The following ANO10 variants were observed in gnomAD, a reference collection of about 807,000 sequenced individuals.
ANO10 encodes the protein anoctamin 10, also known as anoctamin-10.
Under a neutral mutation model 74.7 loss-of-function variants are expected in ANO10, and 77 were observed. That is an observed-to-expected ratio of 1.03 (90% CI 0.86 to 1.25). The LOEUF (loss-of-function observed/expected upper bound fraction) is 1.25, where lower values mean the gene tolerates loss of function less well. ANO10 is among the 50% of genes most tolerant of loss of function. The probability of loss-of-function intolerance (pLI) is 0.00; values close to 1 mark genes in which losing one functional copy is unlikely to be tolerated. For synonymous variants in ANO10, 279 were observed against 284.9 expected (o/e 0.98, Z 0.21); for missense variants, 721 against 778.1 (o/e 0.93, Z 0.87).
At chr3:43,461,247 T>C (rs1034446905) in intron 11 of ANO10, among the ~76,000 whole-genome samples, 1 of 152,308 alleles carries the variant, frequency 6.6e-6, no homozygotes, top group Middle Eastern at 3.4e-3. Context: ...AACAACTTTA[T>C]ACCTGTAAGT....
intron 11 of ANO10, among the ~76,000 whole-genome samples, chr3:43,469,249 T>C (rs2075757793): frequency 1.3e-5 from 2 of 151,426 alleles, no homozygotes; most frequent in African/African-American, 2.4e-5. Flanking sequence ...GGTTTCACCA[T>C]GTTGGCCAGG....
intron 12 of ANO10, among the ~76,000 whole-genome samples, chr3:43,400,752 C>T (rs2092465813): frequency 6.6e-6 from 1 of 152,064 alleles, no homozygotes; most frequent in Admixed American, 6.5e-5. Context: ...TGAACTCCAG[C>T]CTGGGAGAGT....
chr3:43,443,921 A>T (rs1050602267), intron 11 of ANO10, among the ~76,000 whole-genome samples: 1 of 152,052 alleles, frequency 6.6e-6, no homozygotes, highest in African/African-American at 2.4e-5. Context: ...ACCTCAAGTG[A>T]TCCACCTGCC....
intron 11 of ANO10, among the ~76,000 whole-genome samples, chr3:43,470,236 G>C (rs547004140): frequency 6.6e-6 from 1 of 152,178 alleles, no homozygotes; most frequent in African/African-American, 2.4e-5. Flanking sequence ...GGTCTGAAAA[G>C]GCTACCTACT....
At chr3:43,586,483 C>G (rs943279909) in intron 4 of ANO10, among the ~76,000 whole-genome samples, 3 of 152,106 alleles carry the variant, frequency 2.0e-5, no homozygotes, top group Admixed American at 6.5e-5. Flanking sequence ...CTCTCTCCCA[C>G]ACACACTTTC....
intron 12 of ANO10, among the ~76,000 whole-genome samples, chr3:43,397,856 C>T (rs919431967): frequency 6.6e-6 from 1 of 152,232 alleles, no homozygotes; most frequent in Non-Finnish European, 1.5e-5. Context: ...CTATCTCTAT[C>T]TCTCAGAGAT....
intron 11 of ANO10, among the ~76,000 whole-genome samples, chr3:43,545,526 C>T (rs1432543179): frequency 7.9e-5 from 12 of 152,004 alleles, no homozygotes; most frequent in Non-Finnish European, 1.3e-4. Flanking sequence ...CCACCATGCC[C>T]GGCTAATTTT....
At chr3:43,687,870 G>C (rs971426260) in intron 1 of ANO10, among the ~76,000 whole-genome samples, 3 of 152,104 alleles carry the variant, frequency 2.0e-5, no homozygotes, top group Non-Finnish European at 4.4e-5. Context: ...ACATGTGTTG[G>C]TCCATTGTCT....
At chr3:43,367,010 G>A (rs559978110) in intron 12 of ANO10, 36 bp from the exon 13 acceptor site, 1 of 1,569,612 alleles carries the variant, frequency 6.4e-7, no homozygotes, top group East Asian at 2.3e-5. Context: ...GTGAGCCACA[G>A]AAGCCTAAGT....
intron 12 of ANO10, among the ~76,000 whole-genome samples, chr3:43,389,447 T>C (rs2092217564): frequency 6.6e-6 from 1 of 152,226 alleles, no homozygotes; most frequent in East Asian, 1.9e-4. Context: ...GGTGATTCTG[T>C]GTTACCTAGC....
At chr3:43,563,652 A>G (rs1438908999) in intron 8 of ANO10, among the ~76,000 whole-genome samples, 1 of 152,184 alleles carries the variant, frequency 6.6e-6, no homozygotes. Context: ...TATATACACA[A>G]TGGAATACTA....
At chr3:43,608,972 T>C (rs1053087689) in intron 1 of ANO10, among the ~76,000 whole-genome samples, 13 of 152,186 alleles carry the variant, frequency 8.5e-5, no homozygotes, top group Non-Finnish European at 1.5e-4. Context: ...TTTTGTAATA[T>C]AGGAACTCCC....
At chr3:43,500,089 C>T (rs1374192035) in intron 11 of ANO10, among the ~76,000 whole-genome samples, 1 of 152,098 alleles carries the variant, frequency 6.6e-6, no homozygotes, top group Non-Finnish European at 1.5e-5. Flanking sequence ...ACAGGTGATC[C>T]ACCTGCCCGG....
At chr3:43,602,129 A>T (rs2082360414) in intron 2 of ANO10, among the ~76,000 whole-genome samples, 1 of 152,018 alleles carries the variant, frequency 6.6e-6, no homozygotes, top group Non-Finnish European at 1.5e-5. Context: ...TCCTTTCCCA[A>T]GTGTCAAATT....
intron 12 of ANO10, among the ~76,000 whole-genome samples, chr3:43,371,075 C>G (rs868827569): frequency 1.3e-5 from 2 of 152,156 alleles, no homozygotes; most frequent in Non-Finnish European, 2.9e-5. Flanking sequence ...TCCTTCTATT[C>G]ATAGCATTCA....
intron 1 of ANO10, among the ~76,000 whole-genome samples, chr3:43,633,160 G>T (rs774416011): frequency 1.3e-5 from 2 of 152,126 alleles, no homozygotes; most frequent in Non-Finnish European, 2.9e-5. Context: ...CCCCCGGAAA[G>T]AAATATTAGG....
chr3:43,556,213 A>G (rs1329478158), intron 9 of ANO10, among the ~76,000 whole-genome samples: 1 of 152,218 alleles, frequency 6.6e-6, no homozygotes, highest in Non-Finnish European at 1.5e-5. Context: ...TAAAAATCTT[A>G]GCAATCAAGC....
intron 11 of ANO10, among the ~76,000 whole-genome samples, chr3:43,545,035 G>GA (rs36069305): frequency 6.6e-6 from 1 of 151,556 alleles, no homozygotes; most frequent in Non-Finnish European, 1.5e-5. Flanking sequence ...AATTAATTTG[G>GA]AAAAAAAGCA....
intron 1 of ANO10, chr3:43,691,097 C>T (rs2084368367): frequency 1.4e-6 from 2 of 1,471,076 alleles, no homozygotes; most frequent in South Asian, 1.3e-5. Flanking sequence ...CCGCGCGGGC[C>T]GGGTTAGGGC....
Sources: allele counts gnomAD v4.1 joint callset (sites outside exome capture counted in the v4.1 genomes callset), GRCh38; gene constraint gnomAD v4.1.1; transcripts MANE v1.5; gene names NCBI Gene and HGNC (gene_info 2026-07-23, HGNC 2026-07-21).